Variants in DST observed in about 807,000 individuals in gnomAD.
DST encodes bullous pemphigoid antigen.
DST carries 253 observed loss-of-function variants against 875.2 expected under a neutral mutation model. The ratio of observed to expected loss-of-function variants is 0.29; its 90% CI spans 0.26 to 0.32. DST has a LOEUF of 0.32. Among genes scored for constraint, DST ranks in the 10% least tolerant of loss-of-function variants. DST has a pLI of 1.00. For missense variants in DST, 8,287 were observed against 9,111.6 expected (o/e 0.91, Z 3.68); for synonymous variants, 3,124 against 3,197.1 (o/e 0.98, Z 0.77).
chr6:56,690,043 A>G (rs940129104), intron 9 of DST, among the ~76,000 whole-genome samples: 49 of 152,284 alleles, frequency 3.2e-4, no homozygotes, highest in African/African-American at 1.2e-3. Context: ...ACCTGTTTAT[A>G]ACATATCCTT....
intron 4 of DST, among the ~76,000 whole-genome samples, chr6:56,799,655 C>T (rs1460623890): frequency 6.6e-6 from 1 of 151,030 alleles, no homozygotes; most frequent in Non-Finnish European, 1.5e-5. Context: ...CAGAGTCTTG[C>T]CCTGTTGCCC....
chr6:56,903,348 T>C (rs567076314), intron 2 of DST, among the ~76,000 whole-genome samples: 1 of 152,336 alleles, frequency 6.6e-6, no homozygotes, highest in Admixed American at 6.5e-5. Flanking sequence ...TAAAACATGC[T>C]GTCACAGCCA....
intron 73 of DST, among the ~76,000 whole-genome samples, chr6:56,510,579 A>T (rs2096454578): frequency 6.6e-6 from 1 of 152,168 alleles, no homozygotes; most frequent in African/African-American, 2.4e-5. Flanking sequence ...AAGCTATAAA[A>T]ACTTGTTCAT....
intron 37 of DST, among the ~76,000 whole-genome samples, chr6:56,613,383 G>A (rs1308307595): frequency 6.6e-6 from 1 of 152,106 alleles, no homozygotes; most frequent in Non-Finnish European, 1.5e-5. Flanking sequence ...CCTCAAATAA[G>A]GAACACTTGC....
intron 45 of DST, among the ~76,000 whole-genome samples, chr6:56,599,297 T>G (rs911790452): frequency 6.6e-6 from 1 of 152,106 alleles, no homozygotes; most frequent in Non-Finnish European, 1.5e-5. Flanking sequence ...TCCTTTATCA[T>G]GCATTTTCAT....
At position 56,628,151 on chromosome 6, in the gene DST, A is replaced by T; in HGVS notation, c.4486T>A (p.Leu1496Ile). 6.2e-7 allele frequency: 1 copy of T among 1,613,560 alleles called. No homozygotes were observed. The highest frequency in any genetic ancestry group is 8.5e-7 in the Non-Finnish European group (1 of 1,179,504). ...HVQIDNRLRD[L>I]EGIGKSLKYY... Reference sequence around the variant, plus strand: ...TTCAGTGATTTGCCAATGCCCTCTAAGTCCCGTAACCTAAGAGAATAGTAA... The same window carrying T: ...TTCAGTGATTTGCCAATGCCCTCTATGTCCCGTAACCTAAGAGAATAGTAA... The change falls in exon 33 of 104, where the codon TTA (leucine) becomes ATA (isoleucine). Residue 1496 changes from leucine (L) to isoleucine (I), a missense_variant. Leu to Ile is a conservative substitution (Grantham distance 5, BLOSUM62 2). Transcript: ENST00000680361.
chr6:56,519,461 CA>C (rs1414009575), intron 69 of DST, among the ~76,000 whole-genome samples: 1 of 152,168 alleles, frequency 6.6e-6, no homozygotes, highest in African/African-American at 2.4e-5. Context: ...TTTTCATCCC[CA>C]GATCATCCTG....
rs1473261823 is a variant in DST at position 56,843,703 on chromosome 6, G to A, written c.625+7694C>T. ...TCGCCCGCGCCGGGGAGAGAGGGAG[G>A]GAGGAGGGTGGAGGGTGGAGGGTGG... On this transcript the variant is annotated intron_variant, in intron 4 of 103. Coordinates refer to ENST00000680361, the MANE Select transcript of DST (RefSeq NM_001374736.1). The A allele has an allele frequency of 1.9e-3, 1,584 of 813,102 alleles. 7 individuals are homozygous for A. The highest frequency in any genetic ancestry group is 7.5e-3 in the Admixed American group (116 of 15,510). 50.4% of individuals were successfully genotyped at this position (813,102 alleles called of 1,614,324 possible). A position where few individuals can be genotyped will look rare whatever the true frequency, so the allele number is the denominator to read the frequency against.
rs764463208 is a variant in DST, at chr6:56,608,989, C to A, written c.5639G>T (p.Gly1880Val). The A allele has an allele frequency of 6.8e-6, 11 of 1,613,804 alleles. No individual in the cohort carries two copies. Among genetic ancestry groups the A allele is most frequent in the Non-Finnish European group, 9.3e-6 (11 of 1,179,760 alleles). ...TCCTGTGGCTGGAATAACCAGAGAGCCTGTAGAAAGCAGTATCTCAAGAAC... is the reference window on the plus strand; with the variant it reads ...TCCTGTGGCTGGAATAACCAGAGAGACTGTAGAAAGCAGTATCTCAAGAAC... ...IKVLEILLSTGSLVIPATGEQ... is the reference protein window; with the variant it reads ...IKVLEILLSTVSLVIPATGEQ... Residue 1880 changes from glycine to valine, a missense_variant, in exon 40 of 104, where the codon GGC (glycine) becomes GTC (valine). Gly to Val is a moderately radical substitution (Grantham distance 109). This residue lies in a region of DST where 3,138 missense variants were observed against 3,116.6 expected (regional missense o/e 1.01). Transcript: ENST00000680361.
intron 2 of DST, among the ~76,000 whole-genome samples, chr6:56,946,916 T>C (rs1216150479): frequency 6.6e-6 from 1 of 152,218 alleles, no homozygotes; most frequent in Non-Finnish European, 1.5e-5. Context: ...AAAGGTCTTT[T>C]ACATAATGAA....
intron 10 of DST, among the ~76,000 whole-genome samples, chr6:56,664,730 T>A (rs1420427786): frequency 6.6e-6 from 1 of 152,168 alleles, no homozygotes; most frequent in African/African-American, 2.4e-5. Flanking sequence ...AAGGCTTATT[T>A]ACCCAAGATA....
At chr6:56,490,280 C>CA (rs2095692577) in intron 85 of DST, among the ~76,000 whole-genome samples, 1 of 152,074 alleles carries the variant, frequency 6.6e-6, no homozygotes, top group Non-Finnish European at 1.5e-5. Flanking sequence ...ACCTTGCAAA[C>CA]ATTCTGGTAC....
At chr6:56,740,657 A>G (rs1208440262) in intron 4 of DST, among the ~76,000 whole-genome samples, 1 of 152,210 alleles carries the variant, frequency 6.6e-6, no homozygotes, top group Non-Finnish European at 1.5e-5. Flanking sequence ...TGCTGACCAC[A>G]TCTCAGTCAC....
Position 56,601,615 on chromosome 6 carries a change from T to A in DST, c.11369A>T (p.Gln3790Leu). The stretch of plus-strand genomic sequence containing the variant: ...CTGTGCATATTCAGAAATGAAGAAC[T>A]GCACATCAAAGGCAGTAGTCTCCAG... ...MQLETTAFDV[Q>L]FFISEYAQDL... Residue 3790 changes from glutamine to leucine, a missense_variant, in exon 44 of 104, where the codon CAG (glutamine) becomes CTG (leucine). Transcript: ENST00000680361. The A allele has an allele frequency of 6.3e-7, 1 of 1,599,674 alleles. No homozygotes were observed. Among genetic ancestry groups the A allele is most frequent in the Non-Finnish European group, 8.5e-7 (1 of 1,172,646 alleles).
intron 47 of DST, among the ~76,000 whole-genome samples, chr6:56,595,615 T>C (rs1209246887): frequency 6.6e-6 from 1 of 152,168 alleles, no homozygotes; most frequent in East Asian, 1.9e-4. Flanking sequence ...GCCGTTCACT[T>C]GTAAGTCTGA....
chr6:56,782,612 CT>C (rs1362856860), intron 4 of DST, among the ~76,000 whole-genome samples: 2 of 152,092 alleles, frequency 1.3e-5, no homozygotes, highest in Non-Finnish European at 2.9e-5. Context: ...ATTCTTCTGT[CT>C]TTTTTTCTTT....
intron 5 of DST, among the ~76,000 whole-genome samples, chr6:56,708,796 A>C (rs1441364888): frequency 6.6e-6 from 1 of 152,212 alleles, no homozygotes; most frequent in East Asian, 1.9e-4. Flanking sequence ...AAGAAATTTA[A>C]GGGAAAGAAA....
At chr6:56,796,611 G>T (rs900714533) in intron 4 of DST, among the ~76,000 whole-genome samples, 1 of 152,182 alleles carries the variant, frequency 6.6e-6, no homozygotes, top group Non-Finnish European at 1.5e-5. Flanking sequence ...TGCAGGCAAT[G>T]GTTGGGAGTG....
chr6:56,639,096 A>T, intron 22 of DST, 163 bp downstream of exon 22: 1 of 675,476 alleles, frequency 1.5e-6, no homozygotes, highest in Non-Finnish European at 2.6e-6. Context: ...ACTTAGAGCC[A>T]GAGAACTGAA....
Sources: allele counts gnomAD v4.1 joint callset (sites outside exome capture counted in the v4.1 genomes callset), GRCh38; gene constraint gnomAD v4.1.1; regional missense constraint gnomAD v4.1.1; transcripts MANE v1.5; gene names NCBI Gene and HGNC (gene_info 2026-07-23, HGNC 2026-07-21).